Variants in RPS6KA2 observed in about 807,000 individuals in gnomAD.
The protein encoded by RPS6KA2 is ribosomal protein S6 kinase alpha-2.
A neutral mutation model predicts 91.8 loss-of-function variants in RPS6KA2; 42 were observed. That is an observed-to-expected ratio of 0.46 (90% CI 0.36 to 0.59). The LOEUF is 0.59. Among genes scored for constraint, RPS6KA2 ranks in the 20% least tolerant of loss-of-function variants. The pLI, the probability that RPS6KA2 is intolerant of heterozygous loss-of-function variation, is 0.00. For missense variants in RPS6KA2, 798 were observed against 978.5 expected (o/e 0.82, Z 2.46); for synonymous variants, 414 against 393.6 (o/e 1.05, Z -0.61).
chr6:166,598,052 C>G (rs1252107878), intron 1 of RPS6KA2, among the ~76,000 whole-genome samples: 1 of 152,210 alleles, frequency 6.6e-6, no homozygotes, highest in South Asian at 2.1e-4. Context: ...GCAAATTGCA[C>G]AGAGGCATGG....
At chr6:166,600,530 AT>A (rs1785698179) in intron 1 of RPS6KA2, among the ~76,000 whole-genome samples, 1 of 152,238 alleles carries the variant, frequency 6.6e-6, no homozygotes, top group Non-Finnish European at 1.5e-5. Flanking sequence ...TGTCTTGGGA[AT>A]TTGGAAATAT....
chr6:166,563,403 T>A lies in RPS6KA2; in HGVS notation c.100-24619A>T, dbSNP rs11753034. On this transcript the variant is annotated intron_variant, in intron 1 of 20. Transcript: ENST00000265678. This position sits in a 1 kb window ranked among gnomAD's most constrained non-coding sequence, Gnocchi z 4.1. ...AGTCTCCTGGGCTCGCCGCCAGCGG[T>A]GGGATCCCTCTTCCTGCACAGAACC... Among the ~76,000 whole-genome samples, 7 of 152,142 alleles carry A rather than the reference T, an allele frequency of 4.6e-5. No homozygotes were observed.
At chr6:166,780,821 C>G (rs1778748973) in intron 2 of RPS6KA2, among the ~76,000 whole-genome samples, 2 of 152,198 alleles carry the variant, frequency 1.3e-5, no homozygotes, top group Admixed American at 6.5e-5. Flanking sequence ...CATTGCAAGT[C>G]AGCCTGGTTG....
At chr6:166,822,334 G>A (rs1779925257) in intron 2 of RPS6KA2, among the ~76,000 whole-genome samples, 1 of 152,210 alleles carries the variant, frequency 6.6e-6, no homozygotes. Context: ...AAGCCAATCT[G>A]ACTGGTATCC....
intron 3 of RPS6KA2, among the ~76,000 whole-genome samples, chr6:166,513,277 C>G (rs1268947901): frequency 2.0e-5 from 3 of 152,150 alleles, no homozygotes; most frequent in Admixed American, 6.5e-5. Flanking sequence ...ACTAGTGTCT[C>G]CCCTAAACCT....
At position 166,495,826 on chromosome 6, in the gene RPS6KA2, C is replaced by A. The variant is rs968275762; in HGVS notation, c.747+2682G>T. 6.6e-6 allele frequency among the ~76,000 whole-genome samples: 1 copy of A among 152,208 alleles called. No individual in the cohort carries two copies. Among genetic ancestry groups the A allele is most frequent in the Non-Finnish European group, 1.5e-5 (1 of 68,044 alleles). ...AGAGCCACCAGCCAGAGCCACCAAC[C>A]CGGCCAGGGTCAGCAAAGGCCACTG... On this transcript the variant is annotated intron_variant, in intron 8 of 20. Transcript: ENST00000265678. This position sits in a 1 kb window ranked among gnomAD's most constrained non-coding sequence, Gnocchi z 4.4.
intron 2 of RPS6KA2, chr6:166,702,463 T>A: frequency 6.3e-7 from 1 of 1,585,132 alleles, no homozygotes; most frequent in Non-Finnish European, 8.7e-7. Flanking sequence ...CTTACTGGAA[T>A]AGGTTACATT....
Position 166,495,937 on chromosome 6 carries a change from T to G in RPS6KA2, c.747+2571A>C, listed in dbSNP as rs547573994. Among the ~76,000 whole-genome samples, 39 of 152,214 alleles carry G rather than the reference T, an allele frequency of 2.6e-4. 1 individual carries two copies. The highest frequency in any genetic ancestry group is 1.3e-4 in the Non-Finnish European group (9 of 68,042). On this transcript the variant is annotated intron_variant, in intron 8 of 20. Transcript: ENST00000265678. The surrounding 1 kb of genome is among the most constrained non-coding windows in gnomAD (Gnocchi z 4.4). ...CAAGGCGAGCCCGACGTGGTCTCAT[T>G]TCCTCTTCTTCTGGCCCCTCGTCGT...
At chr6:166,786,781 C>T (rs1778941810) in intron 2 of RPS6KA2, among the ~76,000 whole-genome samples, 2 of 152,208 alleles carry the variant, frequency 1.3e-5, no homozygotes, top group South Asian at 2.1e-4. Context: ...ATTTAGTGCT[C>T]AAAAATAGTT....
intron 2 of RPS6KA2, among the ~76,000 whole-genome samples, chr6:166,750,871 G>C (rs1777998671): frequency 6.6e-6 from 1 of 152,216 alleles, no homozygotes; most frequent in African/African-American, 2.4e-5. Flanking sequence ...TTTAGAAACT[G>C]GCCAAGGGCT....
At chr6:166,796,303 C>T (rs772124837) in intron 2 of RPS6KA2, among the ~76,000 whole-genome samples, 1 of 152,186 alleles carries the variant, frequency 6.6e-6, no homozygotes, top group African/African-American at 2.4e-5. Context: ...AAAAATCTGG[C>T]TTGTCGGCTG....
At chr6:166,613,830 C>T (rs926243843) in intron 1 of RPS6KA2, among the ~76,000 whole-genome samples, 6 of 151,446 alleles carry the variant, frequency 4.0e-5, no homozygotes, top group Admixed American at 6.6e-5. Flanking sequence ...AGGACACAGT[C>T]GGGCTTTCCA....
At chr6:166,510,450 C>A (rs1279800702) in intron 3 of RPS6KA2, 93 bp from the exon 4 acceptor site, 13 of 732,516 alleles carry the variant, frequency 1.8e-5, no homozygotes, top group Non-Finnish European at 2.8e-5. Context: ...TTCCCGCCAA[C>A]TTTTCATTAA....
chr6:166,613,322 A>T (rs1375524481), intron 1 of RPS6KA2, among the ~76,000 whole-genome samples: 1 of 152,228 alleles, frequency 6.6e-6, no homozygotes, highest in Non-Finnish European at 1.5e-5. Context: ...AGTCTTTAAG[A>T]CTTCAGTGAA....
intron 10 of RPS6KA2, among the ~76,000 whole-genome samples, chr6:166,480,934 G>A (rs903787855): frequency 2.0e-5 from 3 of 152,096 alleles, no homozygotes; most frequent in East Asian, 1.9e-4. Flanking sequence ...CACAATGCCT[G>A]GCCAATTTTA....
At chr6:166,859,380 G>A (rs903268454) in intron 1 of RPS6KA2, among the ~76,000 whole-genome samples, 6 of 152,126 alleles carry the variant, frequency 3.9e-5, no homozygotes, top group African/African-American at 7.2e-5. Context: ...CCCAAAGCAC[G>A]CCCTTGGCTG....
At chr6:166,625,223 T>C (rs997523944) in intron 1 of RPS6KA2, among the ~76,000 whole-genome samples, 11 of 152,122 alleles carry the variant, frequency 7.2e-5, no homozygotes, top group Non-Finnish European at 1.6e-4. Context: ...AGACTACATG[T>C]ATTTTCAGCC....
intron 2 of RPS6KA2, among the ~76,000 whole-genome samples, chr6:166,795,331 G>GA (rs1779197230): frequency 6.6e-6 from 1 of 152,058 alleles, no homozygotes; most frequent in Admixed American, 6.5e-5. Context: ...ATAGAAAAAA[G>GA]AAAAACACAG....
At chr6:166,480,479 T>TTATATATATATATATATATATATA (rs3066214) in intron 10 of RPS6KA2, among the ~76,000 whole-genome samples, 8 of 99,856 alleles carry the variant, frequency 8.0e-5, no homozygotes, top group South Asian at 3.1e-4. Context: ...GATTGTGATT[T>TTATATATATATATATATATATATA]TATATATATA....
Sources: allele counts gnomAD v4.1 joint callset (sites outside exome capture counted in the v4.1 genomes callset), GRCh38; gene constraint gnomAD v4.1.1; non-coding constraint Gnocchi (gnomAD v3.1); transcripts MANE v1.5; gene names NCBI Gene and HGNC (gene_info 2026-07-23, HGNC 2026-07-21).